The following FUT8 variants were observed in gnomAD, a reference collection of about 807,000 sequenced individuals.
The protein encoded by FUT8 is fucosyltransferase 8.
Under a neutral mutation model 71.3 loss-of-function variants are expected in FUT8, and 29 were observed. The ratio of observed to expected loss-of-function variants is 0.41; its 90% confidence interval spans 0.30 to 0.55. FUT8 has a LOEUF of 0.55. Ranked by LOEUF, FUT8 falls within the 20% of genes least tolerant of loss-of-function variation. The probability of loss-of-function intolerance (pLI) is 0.34; values close to 1 mark genes in which losing one functional copy is unlikely to be tolerated. For missense variants in FUT8, 544 were observed against 702.1 expected, an observed-to-expected ratio of 0.77 and a Z score of 2.55; for synonymous variants, 254 against 239.3, an observed-to-expected ratio of 1.06 and a Z score of -0.57.
chr14:65,388,996 G>T, the FUT8 span, among the ~76,000 whole-genome samples: 1 of 150,512 alleles, frequency 6.6e-6, no homozygotes, highest in African/African-American at 2.4e-5. Flanking sequence ...ATATATAAAT[G>T]AATACATACA....
intron 2 of FUT8, among the ~76,000 whole-genome samples, chr14:65,532,701 T>A (rs1431760305): frequency 2.6e-5 from 4 of 152,208 alleles, no homozygotes. Flanking sequence ...GTCTTTGTCA[T>A]GAAATCTTTC....
In FUT8 at chr14:65,669,197, CTCTGTACAACTTATCTTTATTT is replaced by C; in HGVS notation, c.598-43_598-22del. 7.0e-7 allele frequency: 1 copy of C among 1,429,036 alleles called. No homozygotes were observed. The allele number at this position is 1,429,036 out of a possible 1,614,324, so 88.5% of individuals were successfully genotyped here. On this transcript the variant is annotated intron_variant, in intron 6 of 10. Coordinates refer to ENST00000673929, the MANE Select transcript of FUT8 (RefSeq NM_001371533.1). This position sits in a 1 kb window ranked among gnomAD's most constrained non-coding sequence, Gnocchi z 4.5. ...AAAAAAAAAAAAGAGCAGTTGACCT[CTCTGTACAACTTATCTTTATTT>C]TCATTTCTCTTTCTCCCTGACAGAA...
Position 65,489,460 on chromosome 14 carries a change from G to A in FUT8, c.-228+33742G>A, listed in dbSNP as rs1233414645. Among the ~76,000 whole-genome samples, 1 of 151,894 alleles carries A rather than the reference G, an allele frequency of 6.6e-6. No homozygotes were observed. The highest frequency in any genetic ancestry group is 1.5e-5 in the Non-Finnish European group (1 of 67,958). On this transcript the variant is annotated intron_variant, in intron 2 of 10. Coordinates refer to ENST00000673929, the MANE Select transcript of FUT8 (RefSeq NM_001371533.1). This position sits in a 1 kb window ranked among gnomAD's most constrained non-coding sequence, Gnocchi z 4.0. Reference sequence around the variant, plus strand: ...TTTTTATAGGAATCTCTGCTATCCAGGGATAAAACATAACATGCAATTAAA... The same window carrying A: ...TTTTTATAGGAATCTCTGCTATCCAAGGATAAAACATAACATGCAATTAAA...
At chr14:65,684,029 A>G (rs1893160707) in intron 7 of FUT8, among the ~76,000 whole-genome samples, 1 of 151,956 alleles carries the variant, frequency 6.6e-6, no homozygotes, top group Non-Finnish European at 1.5e-5. Flanking sequence ...GCCTGAAAAG[A>G]ATATATATTA....
intron 3 of FUT8, among the ~76,000 whole-genome samples, chr14:65,610,420 G>A (rs367678353): frequency 9.9e-5 from 14 of 140,926 alleles, no homozygotes; most frequent in South Asian, 2.2e-4. Context: ...ACAAAGTTTC[G>A]CTCTTGTTGC....
chr14:65,432,572 A>T (rs1002395618), intron 1 of FUT8, among the ~76,000 whole-genome samples: 1 of 152,162 alleles, frequency 6.6e-6, no homozygotes, highest in Non-Finnish European at 1.5e-5. Flanking sequence ...ACTGGGCTGC[A>T]TTCCCAGACA....
intron 2 of FUT8, among the ~76,000 whole-genome samples, chr14:65,561,056 G>T (rs930430803): frequency 6.6e-6 from 1 of 152,148 alleles, no homozygotes; most frequent in African/African-American, 2.4e-5. Flanking sequence ...ATAAGTTAAT[G>T]TATAATTATG....
chr14:65,630,801 G>A (rs1451475090), intron 6 of FUT8, among the ~76,000 whole-genome samples: 1 of 152,168 alleles, frequency 6.6e-6, no homozygotes, highest in Non-Finnish European at 1.5e-5. Flanking sequence ...CAATGAGTCA[G>A]TAGAATCTTC....
intron 7 of FUT8, among the ~76,000 whole-genome samples, chr14:65,719,875 G>A (rs568833444): frequency 1.4e-4 from 22 of 152,226 alleles, no homozygotes; most frequent in African/African-American, 5.3e-4. Context: ...CACTTTTGTG[G>A]CTACCACCAC....
chr14:65,447,556 A>G (rs2065761819), intron 1 of FUT8, among the ~76,000 whole-genome samples: 1 of 152,060 alleles, frequency 6.6e-6, no homozygotes, highest in African/African-American at 2.4e-5. Flanking sequence ...TTTTTCTTCA[A>G]CCAGACAAGA....
intron 1 of FUT8, among the ~76,000 whole-genome samples, chr14:65,443,452 G>T (rs552271026): frequency 6.6e-6 from 1 of 150,974 alleles, no homozygotes; most frequent in South Asian, 2.1e-4. Context: ...TGGGTGCAGT[G>T]GCTCACACCT....
intron 2 of FUT8, among the ~76,000 whole-genome samples, chr14:65,481,760 T>G (rs1169049520): frequency 6.6e-6 from 1 of 152,194 alleles, no homozygotes; most frequent in African/African-American, 2.4e-5. Context: ...TATTTATCCT[T>G]TGTATATTTT....
intron 1 of FUT8, among the ~76,000 whole-genome samples, chr14:65,419,848 A>G (rs376751533): frequency 3.9e-5 from 6 of 152,334 alleles, no homozygotes. Flanking sequence ...ATGTAGATGT[A>G]CTGATAACCC....
chr14:65,508,320 T>A (rs1201413083), intron 2 of FUT8, among the ~76,000 whole-genome samples: 1 of 151,854 alleles, frequency 6.6e-6, no homozygotes, highest in Non-Finnish European at 1.5e-5. Flanking sequence ...TCTGCCTGCC[T>A]CAACCTCCCA....
chr14:65,646,632 T>G (rs1313823163), intron 6 of FUT8: 1 of 152,100 alleles, frequency 6.6e-6, no homozygotes, highest in African/African-American at 2.4e-5. Context: ...TGAGTGTTGG[T>G]TATGGCAGAC....
intron 2 of FUT8, among the ~76,000 whole-genome samples, chr14:65,547,697 A>G (rs1885056092): frequency 1.3e-5 from 2 of 151,768 alleles, no homozygotes; most frequent in African/African-American, 4.8e-5. Flanking sequence ...CCAAAAATAT[A>G]CTTATTTTGC....
intron 3 of FUT8, among the ~76,000 whole-genome samples, chr14:65,612,822 G>A (rs73286173): frequency 4.6e-5 from 7 of 152,012 alleles, no homozygotes; most frequent in Non-Finnish European, 8.8e-5. Flanking sequence ...CATCTAACCT[G>A]GATTTTGAGT....
At position 65,435,425 on chromosome 14, in the gene FUT8, C is replaced by T. The variant is rs59328088; in HGVS notation, c.-325-20196C>T. On this transcript the variant is annotated intron_variant, in intron 1 of 10. Transcript: ENST00000673929. ...AATTCATTGAGATTCATTTATGTTGCGTGTATCAATAGTTCGTTCCTTTAC... is the reference window on the plus strand; with the variant it reads ...AATTCATTGAGATTCATTTATGTTGTGTGTATCAATAGTTCGTTCCTTTAC... Among the ~76,000 whole-genome samples the T allele has an allele frequency of 7.7e-3, 1,172 of 152,174 alleles. 9 individuals carry two copies. The highest frequency in any genetic ancestry group is 0.023 in the African/African-American group (974 of 41,488).
chr14:65,552,200 A>T (rs1012114615), intron 2 of FUT8, among the ~76,000 whole-genome samples: 1 of 152,198 alleles, frequency 6.6e-6, no homozygotes. Flanking sequence ...TGAGTCACTC[A>T]GAATGTTAGT....
Sources: gnomAD v4.1 joint callset for allele counts (sites outside exome capture counted in the v4.1 genomes callset) on GRCh38, gnomAD v4.1.1 for gene constraint, Gnocchi (gnomAD v3.1) non-coding constraint, MANE v1.5 for transcripts, NCBI Gene and HGNC (gene_info 2026-07-23, HGNC 2026-07-21) for gene names.